Variants in SYT7 observed in about 807,000 individuals in gnomAD.
SYT7 encodes the protein synaptotagmin-7.
A neutral mutation model predicts 75.1 loss-of-function variants in SYT7; 29 were observed. That is an observed-to-expected ratio of 0.39 (90% CI 0.29 to 0.53). The LOEUF (loss-of-function observed/expected upper bound fraction) is 0.53. Ranked by LOEUF, SYT7 falls within the 20% of genes least tolerant of loss-of-function variation. The probability of loss-of-function intolerance (pLI) is 0.77; values close to 1 mark genes in which losing one functional copy is unlikely to be tolerated. For missense variants in SYT7, 693 were observed against 953.2 expected (o/e 0.73, Z 3.59); for synonymous variants, 376 against 401.7 (o/e 0.94, Z 0.76).
intron 1 of SYT7, among the ~76,000 whole-genome samples, chr11:61,574,763 G>A (rs1396414309): frequency 6.6e-6 from 1 of 152,070 alleles, no homozygotes; most frequent in Non-Finnish European, 1.5e-5. Context: ...GCGGGAGAGA[G>A]CCTGCTATGT....
In SYT7 at chr11:61,538,176, G is replaced by A. The variant is rs964845350; in HGVS notation, c.1032C>T (p.Thr344=). 9.1e-6 allele frequency: 14 copies of A among 1,536,070 alleles called. No individual in the cohort carries two copies. The highest frequency in any genetic ancestry group is 1.2e-5 in the Non-Finnish European group (14 of 1,146,872). ...CCCCCTGAGCGTTCTGGTTCTGCTG[G>A]GTTCCTGGGTTTTGCAGGTCAGGGA... ...ANIPDLQNPG[T]QQNQNAQGDK... Residue 344 remains threonine, a synonymous_variant, in exon 7 of 13, where the codon ACC becomes ACT. Transcript: ENST00000539008.
At chr11:61,566,136 C>G (rs1186362616) in intron 1 of SYT7, among the ~76,000 whole-genome samples, 2 of 152,232 alleles carry the variant, frequency 1.3e-5, no homozygotes, top group Non-Finnish European at 2.9e-5. Context: ...CTCTTCCAGT[C>G]GAGACATGGC....
At chr11:61,538,303 C>A in intron 6 of SYT7, 37 bp from the exon 7 acceptor site, 1 of 1,405,874 alleles carries the variant, frequency 7.1e-7, no homozygotes, top group Non-Finnish European at 9.4e-7. Flanking sequence ...CAGGGTGAAA[C>A]GAGGAGGCCC....
In SYT7 at chr11:61,518,529, C is replaced by A; in HGVS notation, c.*98G>T. Reference sequence around the variant, plus strand: ...GGCTGAGCCCTCAGGGTCCTCCCCTCCCTATGGCAGGGGGCTCAGGCCGGG... The same window carrying A: ...GGCTGAGCCCTCAGGGTCCTCCCCTACCTATGGCAGGGGGCTCAGGCCGGG... On this transcript the variant is annotated 3_prime_UTR_variant, in exon 13 of 13. Transcript: ENST00000539008. The A allele has an allele frequency of 1.2e-6, 1 of 847,530 alleles. No individual in the cohort carries two copies. Among genetic ancestry groups the A allele is most frequent in the Non-Finnish European group, 1.7e-6 (1 of 573,482 alleles). 52.5% of individuals were successfully genotyped at this position (847,530 alleles called of 1,614,324 possible).
Position 61,523,621 on chromosome 11 carries a change from A to C in SYT7, c.1756+206T>G, listed in dbSNP as rs1040072467. ...AAGAACATAATCCAGGATGATGCTG[A>C]CATCTTGATTCTTGAACAGAGTCCG... On this transcript the variant is annotated intron_variant, in intron 11 of 12. Transcript: ENST00000539008. This position sits in a 1 kb window ranked among gnomAD's most constrained non-coding sequence, Gnocchi z 5.0. 6.6e-6 allele frequency among the ~76,000 whole-genome samples: 1 copy of C among 152,198 alleles called. No individual in the cohort carries two copies. The highest frequency in any genetic ancestry group is 1.5e-5 in the Non-Finnish European group (1 of 68,036).
intron 8 of SYT7, among the ~76,000 whole-genome samples, chr11:61,529,379 G>A (rs989459943): frequency 3.3e-5 from 5 of 152,148 alleles, no homozygotes; most frequent in African/African-American, 1.2e-4. Flanking sequence ...AGCGACTCTC[G>A]CATCGCCGTC....
chr11:61,521,522 T>A (rs1292612616), intron 12 of SYT7, among the ~76,000 whole-genome samples: 1 of 152,184 alleles, frequency 6.6e-6, no homozygotes, highest in Non-Finnish European at 1.5e-5. Context: ...TTGTCTCACC[T>A]GTGACCACAG....
upstream of SYT7, among the ~76,000 whole-genome samples, chr11:61,581,876 C>T (rs1195571047): frequency 3.9e-5 from 6 of 152,222 alleles, no homozygotes; most frequent in Admixed American, 2.6e-4. Context: ...CCCTGGACCT[C>T]TCTTGGTCCC....
rs1334213974 is a variant in SYT7, at chr11:61,538,075, C to T, written c.1064+69G>A. On this transcript the variant is annotated intron_variant, in intron 7 of 12. Transcript: ENST00000539008. ...ACCTCGTCCAGCAGCCGGGGCCGGTCGAGGCAGGCGGCCTCTCCGCGCCTC... is the reference window on the plus strand; with the variant it reads ...ACCTCGTCCAGCAGCCGGGGCCGGTTGAGGCAGGCGGCCTCTCCGCGCCTC... 44 of 1,523,322 alleles carry T rather than the reference C, an allele frequency of 2.9e-5. No homozygotes were observed. The East Asian group carries it at 4.2e-4, about 14-fold the overall frequency. The allele number at this position is 1,523,322 out of a possible 1,614,324, so 94.4% of individuals were successfully genotyped here.
In SYT7 at chr11:61,538,225, G is replaced by A. The variant is rs1158316659; in HGVS notation, c.983C>T (p.Ser328Leu). 1.4e-5 allele frequency: 21 copies of A among 1,535,878 alleles called. No homozygotes were observed. The highest frequency in any genetic ancestry group is 1.2e-4 in the East Asian group (5 of 40,898). Reference protein sequence around the residue: ...MVVLSLVLGLSEQDDFANIPD... With the variant: ...MVVLSLVLGLLEQDDFANIPD... The stretch of plus-strand genomic sequence containing the variant: ...GATATTGGCAAAGTCATCCTGTTCC[G>A]AAAGCCCTAAGACCAAGGATAGCAC... Residue 328 changes from serine to leucine, a missense_variant, in exon 7 of 13, where the codon TCG becomes TTG. By Grantham distance (145) the Ser-to-Leu change is moderately radical (BLOSUM62 -2). Transcript: ENST00000539008.
At chr11:61,519,672 G>A (rs1211894254) in intron 12 of SYT7, among the ~76,000 whole-genome samples, 1 of 152,238 alleles carries the variant, frequency 6.6e-6, no homozygotes, top group Non-Finnish European at 1.5e-5. Flanking sequence ...CAGTGCCCAT[G>A]TTGGTTCCTC....
chr11:61,535,025 G>A (rs1340719740), intron 7 of SYT7, among the ~76,000 whole-genome samples: 1 of 152,200 alleles, frequency 6.6e-6, no homozygotes, highest in Non-Finnish European at 1.5e-5. Flanking sequence ...CTGCAGCGTC[G>A]GCACAGCTGC....
intron 12 of SYT7, among the ~76,000 whole-genome samples, chr11:61,521,784 C>T (rs2062343802): frequency 6.6e-6 from 1 of 152,226 alleles, no homozygotes; most frequent in Non-Finnish European, 1.5e-5. Flanking sequence ...CTGCCCTGAG[C>T]ACTGGTTCCT....
chr11:61,534,788 C>T (rs1232616925), intron 7 of SYT7, among the ~76,000 whole-genome samples: 3 of 151,842 alleles, frequency 2.0e-5, no homozygotes, highest in African/African-American at 2.4e-5. Context: ...GACACGCGGG[C>T]GCCCCTCCCA....
intron 12 of SYT7, among the ~76,000 whole-genome samples, chr11:61,522,006 G>A (rs2062352341): frequency 6.6e-6 from 1 of 152,110 alleles, no homozygotes; most frequent in Non-Finnish European, 1.5e-5. Context: ...AAAAAGTAAC[G>A]CTAGGATTTG....
At position 61,564,545 on chromosome 11, in the gene SYT7, C is replaced by T. The variant is rs191934406; in HGVS notation, c.32-8338G>A. Among the ~76,000 whole-genome samples the T allele has an allele frequency of 1.1e-4, 16 of 152,300 alleles. 1 individual carries two copies. The East Asian group carries it at 2.1e-3, about 20-fold the overall frequency. ...AGGGTTAAATGCCTGCCCAGGAACACGCAGCAGAAGAGAAGTAAAGCCAGG... is the reference window on the plus strand; with the variant it reads ...AGGGTTAAATGCCTGCCCAGGAACATGCAGCAGAAGAGAAGTAAAGCCAGG... On this transcript the variant is annotated intron_variant, in intron 1 of 12. Coordinates refer to ENST00000539008, the MANE Select transcript of SYT7 (RefSeq NM_001365809.2).
At chr11:61,587,223 C>T in the SYT7 span, among the ~76,000 whole-genome samples, 1 of 152,230 alleles carries the variant, frequency 6.6e-6, no homozygotes, top group African/African-American at 2.4e-5. Context: ...CTGAACGACT[C>T]TGGCCTGAGT....
chr11:61,569,918 C>T (rs749686286), intron 1 of SYT7, among the ~76,000 whole-genome samples: 1 of 152,200 alleles, frequency 6.6e-6, no homozygotes, highest in African/African-American at 2.4e-5. Flanking sequence ...CAGGTGCGGG[C>T]GGGCATGATG....
At chr11:61,522,975 G>A (rs2062392433) in intron 12 of SYT7, 100 bp downstream of exon 12, 1 of 1,195,924 alleles carries the variant, frequency 8.4e-7, no homozygotes, top group Non-Finnish European at 1.2e-6. Context: ...ATCTCTCCTG[G>A]TGTCCAGCCT....
Sources: allele counts gnomAD v4.1 joint callset (sites outside exome capture counted in the v4.1 genomes callset), GRCh38; gene constraint gnomAD v4.1.1; non-coding constraint Gnocchi (gnomAD v3.1); transcripts MANE v1.5; gene names NCBI Gene and HGNC (gene_info 2026-07-23, HGNC 2026-07-21).